The following LPP variants were observed in gnomAD, a reference collection of about 807,000 sequenced individuals.
The protein encoded by LPP is lipoma-preferred partner.
Under a neutral mutation model 60.4 loss-of-function variants are expected in LPP, and 38 were observed. The ratio of observed to expected loss-of-function variants is 0.63; its 90% confidence interval spans 0.49 to 0.83. The LOEUF (loss-of-function observed/expected upper bound fraction) is 0.83. Ranked by LOEUF, LPP falls within the 40% of genes least tolerant of loss-of-function variation. The probability of loss-of-function intolerance (pLI) is 0.00; values close to 1 mark genes in which losing one functional copy is unlikely to be tolerated. For synonymous variants in LPP, 328 were observed against 290.8 expected, an observed-to-expected ratio of 1.13 and a Z score of -1.30; for missense variants, 902 against 783.6, an observed-to-expected ratio of 1.15 and a Z score of -1.80.
At chr3:188,542,469 C>T (rs1439249929) in intron 6 of LPP, among the ~76,000 whole-genome samples, 2 of 152,182 alleles carry the variant, frequency 1.3e-5, no homozygotes, top group East Asian at 1.9e-4. Context: ...GCCTTGTGCA[C>T]AGAATCCTTT....
chr3:188,366,701 CT>C (rs1388385286), intron 3 of LPP, among the ~76,000 whole-genome samples: 1 of 152,154 alleles, frequency 6.6e-6, no homozygotes, highest in African/African-American at 2.4e-5. Context: ...TGAAGAGCCA[CT>C]GCTAAAATCA....
chr3:188,827,783 G>T (rs1755974825), intron 9 of LPP, among the ~76,000 whole-genome samples: 1 of 152,126 alleles, frequency 6.6e-6, no homozygotes, highest in South Asian at 2.1e-4. Flanking sequence ...TGAGCCAAGT[G>T]CCTGCTGGAA....
At chr3:188,563,460 A>ATATATGTGTGTGTGTGTGTGTG (rs373067080) in intron 6 of LPP, among the ~76,000 whole-genome samples, 3 of 141,938 alleles carry the variant, frequency 2.1e-5, no homozygotes, top group East Asian at 4.1e-4. Context: ...TTACATATAT[A>ATATATGTGTGTGTGTGTGTGTG]TGTGTGTGTG....
At chr3:188,581,692 A>G (rs1457636494) in intron 6 of LPP, among the ~76,000 whole-genome samples, 2 of 152,050 alleles carry the variant, frequency 1.3e-5, no homozygotes, top group African/African-American at 4.8e-5. Context: ...GCCCCTGGTT[A>G]TACCCTGGAT....
At chr3:188,714,135 A>G (rs1712805853) in intron 8 of LPP, among the ~76,000 whole-genome samples, 1 of 152,124 alleles carries the variant, frequency 6.6e-6, no homozygotes, top group East Asian at 1.9e-4. Flanking sequence ...CACATAGCTA[A>G]TAATTTTGGA....
chr3:188,870,633 A>G (rs551762577), intron 10 of LPP, among the ~76,000 whole-genome samples: 81 of 152,356 alleles, frequency 5.3e-4, no homozygotes, highest in African/African-American at 1.8e-3. Flanking sequence ...CACTCAATAA[A>G]TGGTAGCTTT....
chr3:188,434,956 T>C (rs1285921910), intron 4 of LPP, among the ~76,000 whole-genome samples: 1 of 152,228 alleles, frequency 6.6e-6, no homozygotes, highest in Admixed American at 6.5e-5. Context: ...GGAACAAGTA[T>C]ACATGAAAGA....
At chr3:188,377,160 T>C (rs1775377679) in intron 3 of LPP, among the ~76,000 whole-genome samples, 1 of 152,232 alleles carries the variant, frequency 6.6e-6, no homozygotes. Context: ...ATTTCAACTT[T>C]GGTGAATCTG....
At chr3:188,422,064 C>T (rs1390941633) in intron 4 of LPP, among the ~76,000 whole-genome samples, 1 of 152,142 alleles carries the variant, frequency 6.6e-6, no homozygotes, top group Non-Finnish European at 1.5e-5. Context: ...CTGCATTTTT[C>T]TCATGGGGCT....
chr3:188,343,538 A>G (rs1206680130), intron 3 of LPP, among the ~76,000 whole-genome samples: 1 of 152,174 alleles, frequency 6.6e-6, no homozygotes, highest in Non-Finnish European at 1.5e-5. Context: ...TATCACACTA[A>G]CCTTCCCTCC....
At chr3:188,798,856 T>C (rs1290214681) in intron 9 of LPP, among the ~76,000 whole-genome samples, 1 of 152,258 alleles carries the variant, frequency 6.6e-6, no homozygotes, top group East Asian at 1.9e-4. Flanking sequence ...AGATTTTATG[T>C]TTAAACTTTA....
intron 8 of LPP, among the ~76,000 whole-genome samples, chr3:188,757,889 G>GTTTTTTTTTTTTTTTTTTTTTTTTTTTT (rs750488243): frequency 2.5e-5 from 2 of 78,736 alleles, no homozygotes; most frequent in African/African-American, 1.0e-4. Context: ...TGTTTTTTTG[G>GTTTTTTTTTTTTTTTTTTTTTTTTTTTT]TTTTTTTTTT....
At chr3:188,253,018 C>G (rs918092273) in intron 2 of LPP, among the ~76,000 whole-genome samples, 1 of 151,470 alleles carries the variant, frequency 6.6e-6, no homozygotes, top group Non-Finnish European at 1.5e-5. Context: ...AGTGATCTGC[C>G]CACCTTGGCC....
intron 2 of LPP, among the ~76,000 whole-genome samples, chr3:188,267,061 A>T (rs1281712871): frequency 6.6e-6 from 1 of 152,158 alleles, no homozygotes. Flanking sequence ...TCCCTCCTCC[A>T]AGCAGGAAGA....
chr3:188,826,728 CAT>C (rs1289831336), intron 9 of LPP, among the ~76,000 whole-genome samples: 1 of 152,112 alleles, frequency 6.6e-6, no homozygotes, highest in Admixed American at 6.5e-5. Context: ...GCCTCAAAAA[CAT>C]ATTGCCCTAA....
At chr3:188,525,993 A>G (rs1425479971) in intron 6 of LPP, among the ~76,000 whole-genome samples, 4 of 152,164 alleles carry the variant, frequency 2.6e-5, no homozygotes, top group Admixed American at 6.5e-5. Context: ...CTGCCTCTCT[A>G]AAGTCTTGAA....
intron 3 of LPP, among the ~76,000 whole-genome samples, chr3:188,405,289 A>G (rs1386396131): frequency 6.6e-6 from 1 of 152,218 alleles, no homozygotes; most frequent in Non-Finnish European, 1.5e-5. Flanking sequence ...GTGTCCTGCC[A>G]GGTATCTGTT....
chr3:188,838,278 GA>G (rs34851761), intron 9 of LPP, among the ~76,000 whole-genome samples: 2,815 of 152,066 alleles, frequency 0.019, 83 homozygotes, highest in African/African-American at 0.063. Context: ...TTTTACGGAT[GA>G]AAAAAAGATT....
rs946256122 is a variant in LPP, at chr3:188,843,657, G to C, written c.1411-22543G>C. Among the ~76,000 whole-genome samples the C allele has an allele frequency of 4.1e-5, 6 of 144,958 alleles. No homozygotes were observed. In the South Asian group the frequency reaches 1.3e-3, roughly 30 times the overall value. ...AAAAAATTAGCCGGGCGCAGTGGGG[G>C]GCGCCTGTAGTCCCAGCTACTCGGG... On this transcript the variant is annotated intron_variant, in intron 9 of 11. Coordinates refer to ENST00000617246, the MANE Select transcript of LPP (RefSeq NM_001375462.1).
Sources: gnomAD v4.1 joint callset for allele counts (sites outside exome capture counted in the v4.1 genomes callset) on GRCh38, gnomAD v4.1.1 for gene constraint, MANE v1.5 for transcripts, NCBI Gene and HGNC (gene_info 2026-07-23, HGNC 2026-07-21) for gene names.